Variants in GPC5 observed in about 807,000 individuals in gnomAD.
GPC5 encodes the protein glypican 5.
GPC5 carries 47 observed loss-of-function variants against 53.9 expected under a neutral mutation model. The ratio of observed to expected loss-of-function variants is 0.87; its 90% CI spans 0.69 to 1.11. The LOEUF (loss-of-function observed/expected upper bound fraction) is 1.11. GPC5 is among the 50% of genes most tolerant of loss of function. The pLI is 0.00. For missense variants in GPC5, 748 were observed against 713.1 expected (o/e 1.05, Z -0.56); for synonymous variants, 286 against 263.3 (o/e 1.09, Z -0.84).
chr13:92,316,106 C>G (rs2043177646), intron 7 of GPC5, among the ~76,000 whole-genome samples: 1 of 152,056 alleles, frequency 6.6e-6, no homozygotes, highest in Non-Finnish European at 1.5e-5. Flanking sequence ...ACACTTCTCT[C>G]TTTTTCACAT....
chr13:92,727,286 T>C (rs1888674481), intron 7 of GPC5, among the ~76,000 whole-genome samples: 1 of 151,562 alleles, frequency 6.6e-6, no homozygotes. Flanking sequence ...TTATGAAATT[T>C]AGTCTAATCT....
intron 7 of GPC5, among the ~76,000 whole-genome samples, chr13:92,664,400 TC>T (rs1335482111): frequency 1.3e-5 from 2 of 151,868 alleles, no homozygotes; most frequent in Non-Finnish European, 2.9e-5. Flanking sequence ...GCATTTTACT[TC>T]CTTCTTCAGC....
chr13:91,612,342 G>A (rs146928213), intron 2 of GPC5, among the ~76,000 whole-genome samples: 1 of 152,280 alleles, frequency 6.6e-6, no homozygotes, highest in African/African-American at 2.4e-5. Flanking sequence ...GTTGGGCAAT[G>A]TTGCATTTGA....
At chr13:91,810,207 A>G (rs2038288189) in intron 5 of GPC5, among the ~76,000 whole-genome samples, 1 of 151,980 alleles carries the variant, frequency 6.6e-6, no homozygotes, top group Admixed American at 6.6e-5. Flanking sequence ...AGGCCCTAAG[A>G]TGTCATTTTT....
chr13:92,675,795 A>C (rs1009858415), intron 7 of GPC5, among the ~76,000 whole-genome samples: 2 of 152,150 alleles, frequency 1.3e-5, no homozygotes, highest in Non-Finnish European at 2.9e-5. Context: ...TTCATATAGC[A>C]GAGCTTTGGT....
chr13:91,968,144 G>A (rs908540404), intron 6 of GPC5, among the ~76,000 whole-genome samples: 3 of 152,004 alleles, frequency 2.0e-5, no homozygotes, highest in African/African-American at 7.2e-5. Context: ...TTTTAGAAAT[G>A]TGTCCTTTGT....
intron 7 of GPC5, among the ~76,000 whole-genome samples, chr13:92,208,415 T>G (rs1194253406): frequency 2.0e-5 from 3 of 152,236 alleles, no homozygotes; most frequent in Non-Finnish European, 4.4e-5. Context: ...CATATTCTAT[T>G]AATCCCACTA....
intron 5 of GPC5, among the ~76,000 whole-genome samples, chr13:91,847,219 CAA>C (rs58401616): frequency 2.3e-3 from 195 of 85,994 alleles, no homozygotes; most frequent in Middle Eastern, 0.015. Context: ...GACTCCATCT[CAA>C]AAAAAAAAAA....
Position 92,585,305 on chromosome 13 carries a change from A to G in GPC5, c.1562-280977A>G, listed in dbSNP as rs142857257. Among the ~76,000 whole-genome samples, 1,496 of 152,338 alleles carry G rather than the reference A, an allele frequency of 9.8e-3. 32 individuals carry two copies. Among genetic ancestry groups the G allele is most frequent in the African/African-American group, 0.034 (1,399 of 41,592 alleles). On this transcript the variant is annotated intron_variant, in intron 7 of 7. Coordinates refer to ENST00000377067, the MANE Select transcript of GPC5 (RefSeq NM_004466.6). ...AAGACCATGGGAACCCACATCTTGC[A>G]TCAGCATGACCTGGATGTGAGACAT...
intron 2 of GPC5, among the ~76,000 whole-genome samples, chr13:91,665,037 A>C (rs2035074679): frequency 6.6e-6 from 1 of 152,230 alleles, no homozygotes; most frequent in Non-Finnish European, 1.5e-5. Context: ...TGAAACAAAG[A>C]AAGCAGTGGT....
intron 2 of GPC5, among the ~76,000 whole-genome samples, chr13:91,598,062 C>A (rs2033057461): frequency 6.6e-6 from 1 of 152,082 alleles, no homozygotes; most frequent in African/African-American, 2.4e-5. Flanking sequence ...AGTCTATCTT[C>A]TTTAAAACTC....
At position 92,830,220 on chromosome 13, in the gene GPC5, G is replaced by GT. The variant is rs748545157; in HGVS notation, c.1562-36054dup. Among the ~76,000 whole-genome samples, 38 of 151,632 alleles carry GT rather than the reference G, an allele frequency of 2.5e-4. 1 individual carries two copies. The East Asian group carries it at 3.3e-3, about 13-fold the overall frequency. ...AATCTAATTAATCATTTTCCACATT[G>GT]TTTTTTTTCGTGTTTTGTGCCTAAG... On this transcript the variant is annotated intron_variant, in intron 7 of 7. Coordinates refer to ENST00000377067, the MANE Select transcript of GPC5 (RefSeq NM_004466.6).
chr13:92,430,133 G>GA (rs372186374), intron 7 of GPC5, among the ~76,000 whole-genome samples: 5 of 150,228 alleles, frequency 3.3e-5, no homozygotes, highest in Admixed American at 6.7e-5. Context: ...AAAATTTAAA[G>GA]AAAAAAAAAG....
At chr13:92,106,246 T>C (rs111448425) in intron 6 of GPC5, among the ~76,000 whole-genome samples, 1 of 151,806 alleles carries the variant, frequency 6.6e-6, no homozygotes, top group Non-Finnish European at 1.5e-5. Context: ...CTCCTAAAAA[T>C]CTAAAAAAGA....
chr13:91,854,939 C>T (rs962920415), intron 5 of GPC5, among the ~76,000 whole-genome samples: 8 of 151,478 alleles, frequency 5.3e-5, no homozygotes, highest in Non-Finnish European at 1.0e-4. Context: ...TCAAGTCACA[C>T]GATTTTTTTT....
At position 92,379,200 on chromosome 13, in the gene GPC5, T is replaced by C. The variant is rs148409583; in HGVS notation, c.1561+234211T>C. ...TCTTGAAACTCCCTTTCCCACACAT[T>C]GATGTATGCGAGGCAGAGATCTTTT... On this transcript the variant is annotated intron_variant, in intron 7 of 7. Coordinates refer to ENST00000377067, the MANE Select transcript of GPC5 (RefSeq NM_004466.6). Among the ~76,000 whole-genome samples, 31 of 152,326 alleles carry C rather than the reference T, an allele frequency of 2.0e-4. No homozygotes were observed. In the East Asian group the frequency reaches 5.6e-3, roughly 28 times the overall value.
At chr13:92,186,062 C>T (rs1486407154) in intron 7 of GPC5, among the ~76,000 whole-genome samples, 2 of 151,924 alleles carry the variant, frequency 1.3e-5, no homozygotes, top group African/African-American at 2.4e-5. Context: ...GAAAAGTTTG[C>T]TGCAAAAATA....
chr13:91,567,917 A>G (rs185518050), intron 2 of GPC5, among the ~76,000 whole-genome samples: 1 of 152,172 alleles, frequency 6.6e-6, no homozygotes, highest in East Asian at 1.9e-4. Flanking sequence ...TTGTGGAGGG[A>G]GTGAGCTGAT....
chr13:92,246,305 A>G (rs1182354709), intron 7 of GPC5, among the ~76,000 whole-genome samples: 4 of 152,136 alleles, frequency 2.6e-5, no homozygotes, highest in Admixed American at 2.6e-4. Context: ...CTATAATAAT[A>G]AGGATATATT....
Sources: allele counts gnomAD v4.1 joint callset (sites outside exome capture counted in the v4.1 genomes callset), GRCh38; gene constraint gnomAD v4.1.1; transcripts MANE v1.5; gene names NCBI Gene and HGNC (gene_info 2026-07-23, HGNC 2026-07-21).